Variants in CECR2 observed in about 807,000 individuals in gnomAD.
The protein encoded by CECR2 is CECR2 histone acetyl-lysine reader, also known as chromatin remodeling regulator CECR2.
A neutral mutation model predicts 154.5 loss-of-function variants in CECR2; 30 were observed. The ratio of observed to expected loss-of-function variants is 0.19; its 90% CI spans 0.15 to 0.26. CECR2 has a LOEUF of 0.26. CECR2 is among the 10% of genes least tolerant of loss of function. CECR2 has a pLI of 1.00. For missense variants in CECR2, 1,743 were observed against 1,829.3 expected, an observed-to-expected ratio of 0.95 and a Z score of 0.86; for synonymous variants, 725 against 683.7, an observed-to-expected ratio of 1.06 and a Z score of -0.94.
At chr22:17,466,797 T>A (rs2055040441) in intron 1 of CECR2, among the ~76,000 whole-genome samples, 1 of 152,178 alleles carries the variant, frequency 6.6e-6, no homozygotes, top group Non-Finnish European at 1.5e-5. Flanking sequence ...GTTTCACATG[T>A]TGGTCAGGCT....
chr22:17,500,290 A>G (rs766479933), intron 4 of CECR2, among the ~76,000 whole-genome samples: 4 of 152,124 alleles, frequency 2.6e-5, no homozygotes, highest in Non-Finnish European at 5.9e-5. Flanking sequence ...AGGAATTTAA[A>G]TGATGCCTGA....
At chr22:17,451,747 T>C (rs2054774591) in intron 1 of CECR2, among the ~76,000 whole-genome samples, 1 of 152,204 alleles carries the variant, frequency 6.6e-6, no homozygotes, top group South Asian at 2.1e-4. Flanking sequence ...ACAACTCAAA[T>C]TACCCAAATT....
intron 1 of CECR2, among the ~76,000 whole-genome samples, chr22:17,387,205 T>C (rs1194262924): frequency 6.6e-6 from 1 of 152,200 alleles, no homozygotes; most frequent in Non-Finnish European, 1.5e-5. Context: ...AGCCTTCTTT[T>C]GTCTCATTTC....
At chr22:17,461,197 C>T (rs2054932657) in intron 1 of CECR2, among the ~76,000 whole-genome samples, 1 of 152,234 alleles carries the variant, frequency 6.6e-6, no homozygotes, top group Non-Finnish European at 1.5e-5. Flanking sequence ...GAAAGCTTCT[C>T]TTCTCTTTCT....
intron 7 of CECR2, among the ~76,000 whole-genome samples, chr22:17,506,706 T>G (rs766650409): frequency 6.6e-6 from 1 of 152,148 alleles, no homozygotes; most frequent in Non-Finnish European, 1.5e-5. Flanking sequence ...CAGGGTGGAG[T>G]GCAGTGGCAC....
chr22:17,418,701 C>A (rs1477380942), intron 1 of CECR2: 2 of 509,092 alleles, frequency 3.9e-6, no homozygotes, highest in African/African-American at 2.1e-5. Context: ...TCAGACATGG[C>A]GGAGGCGATG....
chr22:17,524,271 G>A lies in CECR2; in HGVS notation c.1108G>A (p.Asp370Asn). The A allele has an allele frequency of 6.2e-7, 1 of 1,607,260 alleles. No homozygotes were observed. Among genetic ancestry groups the A allele is most frequent in the Non-Finnish European group, 8.5e-7 (1 of 1,177,352 alleles). ...ELEEKVKAVE[D>N]RAKRRKLREE... ...GGAGGAGAAGGTCAAGGCAGTGGAA[G>A]GTATGTGCAGTGTCCGCGTGGTCTG... is the stretch of plus-strand genomic sequence containing the variant. The change falls in exon 9 of 19, where the codon GAT becomes AAT. Residue 370 changes from aspartate to asparagine, a missense_variant and splice_region_variant. This residue lies in a region of CECR2 where 292 missense variants were observed against 301.2 expected (regional missense o/e 0.97). Coordinates refer to ENST00000262608, the MANE Select transcript of CECR2 (RefSeq NM_001290047.2).
chr22:17,477,031 A>G, intron 1 of CECR2: 1 of 693,814 alleles, frequency 1.4e-6, no homozygotes, highest in Non-Finnish European at 2.7e-6. Context: ...TGGATCTCGC[A>G]ATCACCTTTC....
intron 1 of CECR2, among the ~76,000 whole-genome samples, chr22:17,406,853 A>G (rs2053991885): frequency 6.6e-6 from 1 of 152,196 alleles, no homozygotes; most frequent in African/African-American, 2.4e-5. Flanking sequence ...CTTTGAGCAT[A>G]CACAGAACTA....
At chr22:17,500,572 A>G in intron 4 of CECR2, 59 bp from the exon 5 acceptor site, 2 of 1,251,688 alleles carry the variant, frequency 1.6e-6, no homozygotes, top group South Asian at 2.9e-5. Context: ...CTGTTTTAAA[A>G]TCATATGTAG....
intron 1 of CECR2, among the ~76,000 whole-genome samples, chr22:17,423,209 C>T (rs2054282984): frequency 6.6e-6 from 1 of 152,078 alleles, no homozygotes; most frequent in Non-Finnish European, 1.5e-5. Context: ...GAGCACCTGC[C>T]TCTGGATGGC....
intron 7 of CECR2, among the ~76,000 whole-genome samples, chr22:17,507,215 T>A (rs1193161831): frequency 6.6e-6 from 1 of 152,158 alleles, no homozygotes; most frequent in Non-Finnish European, 1.5e-5. Flanking sequence ...TTAGGGAAAG[T>A]CCTAGAAATT....
chr22:17,538,771 A>T, intron 12 of CECR2, 40 bp downstream of exon 12: 6 of 1,524,820 alleles, frequency 3.9e-6, no homozygotes, highest in Non-Finnish European at 5.4e-6. Flanking sequence ...TATAGTGTGT[A>T]TATCTTTCTT....
At chr22:17,408,065 C>T (rs1392238682) in intron 1 of CECR2, among the ~76,000 whole-genome samples, 1 of 152,042 alleles carries the variant, frequency 6.6e-6, no homozygotes, top group Non-Finnish European at 1.5e-5. Flanking sequence ...ATTTACATAA[C>T]GTAAAATTAA....
chr22:17,496,969 T>TA (rs1252145236), intron 2 of CECR2, among the ~76,000 whole-genome samples: 1 of 152,210 alleles, frequency 6.6e-6, no homozygotes, highest in African/African-American at 2.4e-5. Context: ...GACTTCCTGT[T>TA]ACTGTTTTTC....
rs930286142 is a variant in CECR2 at position 17,447,065 on chromosome 22, C to T, written c.127-30523C>T. Among the ~76,000 whole-genome samples, 24 of 96,832 alleles carry T rather than the reference C, an allele frequency of 2.5e-4. No individual in the cohort carries two copies. The South Asian group carries it at 3.5e-3, about 14-fold the overall frequency. 63.5% of individuals were successfully genotyped at this position (96,832 alleles called of 152,430 possible). A position where few individuals can be genotyped will look rare whatever the true frequency, so the allele number is the denominator to read the frequency against. ...TTTTTTTTTTTTTGAGACAGAGTCT[C>T]GCTGTCTTGCCCAGGCTGGAGTGCA... On this transcript the variant is annotated intron_variant, in intron 1 of 18. Transcript: ENST00000262608.
chr22:17,432,979 A>G (rs1393171290), intron 1 of CECR2, among the ~76,000 whole-genome samples: 4 of 152,152 alleles, frequency 2.6e-5, no homozygotes, highest in Admixed American at 2.0e-4. Context: ...CACATTCTGT[A>G]TGGTGTTTTT....
chr22:17,535,664 T>A (rs2056426682), intron 9 of CECR2, among the ~76,000 whole-genome samples: 1 of 149,090 alleles, frequency 6.7e-6, no homozygotes, highest in Admixed American at 6.7e-5. Flanking sequence ...TTCTTTATGG[T>A]TGAAATTTTT....
At chr22:17,491,183 G>A (rs1391836619) in intron 2 of CECR2, among the ~76,000 whole-genome samples, 1 of 152,126 alleles carries the variant, frequency 6.6e-6, no homozygotes, top group Non-Finnish European at 1.5e-5. Flanking sequence ...ACATTTGTGC[G>A]CAAGTCTTTG....
Sources: gnomAD v4.1 joint callset for allele counts (sites outside exome capture counted in the v4.1 genomes callset) on GRCh38, gnomAD v4.1.1 for gene constraint, gnomAD v4.1.1 regional missense constraint, MANE v1.5 for transcripts, NCBI Gene and HGNC (gene_info 2026-07-23, HGNC 2026-07-21) for gene names.